The following WWOX variants were observed in gnomAD, a reference collection of about 807,000 sequenced individuals.
WWOX encodes WW domain containing oxidoreductase.
Under a neutral mutation model 46.2 loss-of-function variants are expected in WWOX, and 69 were observed. The observed-to-expected ratio is 1.49, with a 90% CI of 1.23 to 1.82. WWOX has a LOEUF of 1.82. Ranked by LOEUF, WWOX falls within the 40% of genes most tolerant of loss-of-function variation. The pLI is 0.00. For missense variants in WWOX, 919 were observed against 542.6 expected, an observed-to-expected ratio of 1.69 and a Z score of -6.89; for synonymous variants, 359 against 202.6, an observed-to-expected ratio of 1.77 and a Z score of -6.56.
chr16:79,169,919 A>G (rs1015999424), intron 8 of WWOX, among the ~76,000 whole-genome samples: 9 of 152,218 alleles, frequency 5.9e-5, no homozygotes, highest in Admixed American at 5.9e-4. Flanking sequence ...ACAACCCTCT[A>G]TGTTGATGGC....
At chr16:78,787,105 A>G (rs946061063) in intron 8 of WWOX, among the ~76,000 whole-genome samples, 13 of 152,164 alleles carry the variant, frequency 8.5e-5, no homozygotes, top group African/African-American at 3.1e-4. Flanking sequence ...CCAAGATTGC[A>G]CCACTGGACT....
chr16:78,490,558 G>T (rs1462933966), intron 8 of WWOX, among the ~76,000 whole-genome samples: 1 of 152,204 alleles, frequency 6.6e-6, no homozygotes, highest in East Asian at 1.9e-4. Flanking sequence ...CTGGCTTGTT[G>T]TGGGACGGAG....
intron 5 of WWOX, among the ~76,000 whole-genome samples, chr16:78,213,945 G>A (rs11867021): frequency 0.067 from 10,272 of 152,208 alleles, 445 homozygotes; most frequent in Middle Eastern, 0.11. Context: ...TCACGCTGTG[G>A]CCCGCGCCTC....
chr16:79,161,134 A>T (rs1597433343), intron 8 of WWOX, among the ~76,000 whole-genome samples: 1 of 152,204 alleles, frequency 6.6e-6, no homozygotes, highest in South Asian at 2.1e-4. Context: ...CATGGATTAG[A>T]TAAGGCAATT....
chr16:78,689,177 A>G (rs937496509), intron 8 of WWOX, among the ~76,000 whole-genome samples: 2 of 152,254 alleles, frequency 1.3e-5, no homozygotes, highest in South Asian at 2.1e-4. Context: ...CACCCCACCA[A>G]CAAAGAATGA....
At chr16:78,274,017 G>C (rs1294730653) in intron 5 of WWOX, among the ~76,000 whole-genome samples, 2 of 152,184 alleles carry the variant, frequency 1.3e-5, no homozygotes, top group Non-Finnish European at 2.9e-5. Flanking sequence ...CTGACTTAAA[G>C]AGTCTGCTTC....
chr16:78,435,999 T>G (rs2083326843), intron 8 of WWOX, among the ~76,000 whole-genome samples: 1 of 152,226 alleles, frequency 6.6e-6, no homozygotes, highest in African/African-American at 2.4e-5. Context: ...AAGTGAATTT[T>G]CAATTTGATT....
intron 8 of WWOX, chr16:78,996,130 C>T (rs78095700): frequency 1.5e-5 from 13 of 886,864 alleles, no homozygotes; most frequent in Non-Finnish European, 1.8e-5. Context: ...TCAGCTCAGG[C>T]GTAGAATGTT....
intron 8 of WWOX, among the ~76,000 whole-genome samples, chr16:78,946,726 A>T (rs2045955908): frequency 6.6e-6 from 1 of 152,040 alleles, no homozygotes; most frequent in Admixed American, 6.6e-5. Context: ...GAGCGTTGAG[A>T]GTCATGCGGG....
At chr16:79,048,907 A>T (rs2048115115) in intron 8 of WWOX, among the ~76,000 whole-genome samples, 1 of 152,146 alleles carries the variant, frequency 6.6e-6, no homozygotes, top group Admixed American at 6.5e-5. Context: ...CCAGAACTGT[A>T]AGGGACCCCC....
intron 5 of WWOX, among the ~76,000 whole-genome samples, chr16:78,341,755 G>A (rs1252635433): frequency 8.3e-6 from 1 of 120,710 alleles, no homozygotes; most frequent in African/African-American, 2.8e-5. Context: ...GAGGGATGTG[G>A]ACATGTCTGA....
In WWOX at chr16:78,625,750, G is replaced by A. The variant is rs552301506; in HGVS notation, c.1056+192998G>A. Among the ~76,000 whole-genome samples, 67 of 130,314 alleles carry A rather than the reference G, an allele frequency of 5.1e-4. 2 individuals carry two copies. Among genetic ancestry groups the A allele is most frequent in the African/African-American group, 1.9e-3 (64 of 34,454 alleles). 85.5% of individuals were successfully genotyped at this position (130,314 alleles called of 152,430 possible). ...GCGGTTTTACTTCTGCAGTTTTTTTGCCATTTGCCAATTACTTTTGCAGTT... is the reference window on the plus strand; with the variant it reads ...GCGGTTTTACTTCTGCAGTTTTTTTACCATTTGCCAATTACTTTTGCAGTT... On this transcript the variant is annotated intron_variant, in intron 8 of 8. Coordinates refer to ENST00000566780, the MANE Select transcript of WWOX (RefSeq NM_016373.4).
intron 8 of WWOX, among the ~76,000 whole-genome samples, chr16:78,611,867 C>T (rs935871809): frequency 2.6e-5 from 4 of 152,152 alleles, no homozygotes; most frequent in Non-Finnish European, 4.4e-5. Flanking sequence ...TTGGAAGGGG[C>T]GTGGCATTGC....
chr16:78,834,375 G>A (rs139911922), intron 8 of WWOX, among the ~76,000 whole-genome samples: 70 of 152,286 alleles, frequency 4.6e-4, no homozygotes, highest in African/African-American at 1.6e-3. Flanking sequence ...ATTGTCGTGC[G>A]TGTGTCTCAT....
rs372477037 is a variant in WWOX at position 78,146,121 on chromosome 16, G to C, written c.410-18062G>C. Among the ~76,000 whole-genome samples, 11 of 152,210 alleles carry C rather than the reference G, an allele frequency of 7.2e-5. 1 individual carries two copies. Among genetic ancestry groups the C allele is most frequent in the African/African-American group, 2.4e-4 (10 of 41,540 alleles). On this transcript the variant is annotated intron_variant, in intron 4 of 8. Coordinates refer to ENST00000566780, the MANE Select transcript of WWOX (RefSeq NM_016373.4). ...AGCTTTGAGCCAGATAACAATTCTA[G>C]TTGCGCATGCTTCCATAAGCTGTTT... is the stretch of plus-strand genomic sequence containing the variant.
intron 8 of WWOX, among the ~76,000 whole-genome samples, chr16:78,994,604 G>A (rs1049441708): frequency 2.6e-5 from 4 of 152,140 alleles, no homozygotes; most frequent in Non-Finnish European, 5.9e-5. Flanking sequence ...AACCTTGCAG[G>A]CGCAAACTCC....
intron 8 of WWOX, among the ~76,000 whole-genome samples, chr16:79,005,631 C>A (rs1481554891): frequency 2.0e-5 from 3 of 152,160 alleles, no homozygotes; most frequent in African/African-American, 7.2e-5. Flanking sequence ...TTCTCACCAC[C>A]ATCTTCCTTG....
At chr16:78,535,248 C>T (rs1163127623) in intron 8 of WWOX, 1 of 152,246 alleles carries the variant, frequency 6.6e-6, no homozygotes, top group African/African-American at 2.4e-5. Flanking sequence ...CTTTCTCCAT[C>T]AGAGTCTGAA....
intron 8 of WWOX, among the ~76,000 whole-genome samples, chr16:78,509,558 G>C (rs1449710187): frequency 1.3e-5 from 2 of 152,120 alleles, no homozygotes; most frequent in Admixed American, 1.3e-4. Flanking sequence ...TGTCTATACG[G>C]TGGAGTATTT....
Sources: allele counts gnomAD v4.1 joint callset (sites outside exome capture counted in the v4.1 genomes callset), GRCh38; gene constraint gnomAD v4.1.1; transcripts MANE v1.5; gene names NCBI Gene and HGNC (gene_info 2026-07-23, HGNC 2026-07-21).